KCNB2: variants seen among roughly 807,000 people sequenced by gnomAD.
KCNB2 encodes potassium voltage-gated channel subfamily B member 2.
In KCNB2, 15 loss-of-function variants were observed where a neutral mutation model predicts 61.5. That is an observed-to-expected ratio of 0.24 (90% CI 0.16 to 0.38). KCNB2 has a LOEUF of 0.38. Among genes scored for constraint, KCNB2 ranks in the 10% least tolerant of loss-of-function variants. The probability of loss-of-function intolerance (pLI) is 1.00; values close to 1 mark genes in which losing one functional copy is unlikely to be tolerated. For missense variants in KCNB2, 828 were observed against 1,125.2 expected (o/e 0.74, Z 3.78); for synonymous variants, 457 against 446.0 (o/e 1.02, Z -0.31).
In KCNB2 at chr8:72,561,557, T is replaced by C. The variant is rs576974938; in HGVS notation, c.-93-6085T>C. Among the ~76,000 whole-genome samples the C allele has an allele frequency of 2.0e-5, 3 of 150,790 alleles. No individual in the cohort carries two copies. The South Asian group carries it at 6.3e-4, about 32-fold the overall frequency. ...GGACAAGGACAGCATTTCAGTTATT[T>C]CTAGAACTTTATGTGTTAAAAAATA... On this transcript the variant is annotated intron_variant, in intron 1 of 2. Transcript: ENST00000523207.
intron 2 of KCNB2, among the ~76,000 whole-genome samples, chr8:72,662,339 C>A (rs548697914): frequency 6.6e-6 from 1 of 152,256 alleles, no homozygotes; most frequent in African/African-American, 2.4e-5. Flanking sequence ...CTACCCATGG[C>A]CAAACCAGTA....
At chr8:72,756,113 G>A (rs1038191297) in intron 2 of KCNB2, among the ~76,000 whole-genome samples, 1 of 152,212 alleles carries the variant, frequency 6.6e-6, no homozygotes, top group African/African-American at 2.4e-5. Flanking sequence ...GCTCATTGTA[G>A]TGGGAAGGAC....
chr8:72,727,612 A>G (rs1807674441), intron 2 of KCNB2, among the ~76,000 whole-genome samples: 1 of 152,212 alleles, frequency 6.6e-6, no homozygotes, highest in Admixed American at 6.5e-5. Flanking sequence ...AAGTCTGTAT[A>G]TAATGGGAAA....
intron 2 of KCNB2, among the ~76,000 whole-genome samples, chr8:72,779,888 G>T (rs985283809): frequency 6.6e-5 from 10 of 152,044 alleles, no homozygotes; most frequent in African/African-American, 2.4e-4. Flanking sequence ...CCACCACTGC[G>T]TTTCAGGATT....
chr8:72,798,336 CA>C (rs1809065943), intron 2 of KCNB2, among the ~76,000 whole-genome samples: 1 of 152,170 alleles, frequency 6.6e-6, no homozygotes, highest in South Asian at 2.1e-4. Flanking sequence ...TTCAGTGACA[CA>C]AGCATGAATG....
chr8:72,695,335 T>C (rs956921062), intron 2 of KCNB2, among the ~76,000 whole-genome samples: 1 of 152,198 alleles, frequency 6.6e-6, no homozygotes, highest in African/African-American at 2.4e-5. Flanking sequence ...GCAGCCCCTG[T>C]CAGCATCAGA....
chr8:72,567,266 G>A (rs1806638225), intron 1 of KCNB2, among the ~76,000 whole-genome samples: 1 of 152,028 alleles, frequency 6.6e-6, no homozygotes, highest in African/African-American at 2.4e-5. Flanking sequence ...GAGCTGTGAT[G>A]GTGCCACTGC....
chr8:72,784,085 A>G (rs1232951439), intron 2 of KCNB2, among the ~76,000 whole-genome samples: 1 of 152,160 alleles, frequency 6.6e-6, no homozygotes, highest in Non-Finnish European at 1.5e-5. Context: ...ATTGGGAAAT[A>G]TTTAATATAT....
chr8:72,739,634 G>A (rs1379426558), intron 2 of KCNB2, among the ~76,000 whole-genome samples: 2 of 151,942 alleles, frequency 1.3e-5, no homozygotes, highest in African/African-American at 4.8e-5. Flanking sequence ...GTTTGGTATG[G>A]CTGGGGCTTT....
chr8:72,632,793 G>C (rs10096328), intron 2 of KCNB2, among the ~76,000 whole-genome samples: 1 of 152,124 alleles, frequency 6.6e-6, no homozygotes, highest in South Asian at 2.1e-4. Context: ...TGTGTGTGTG[G>C]TCATTGCCAC....
At chr8:72,633,131 GC>G (rs1563544408) in intron 2 of KCNB2, among the ~76,000 whole-genome samples, 2 of 152,056 alleles carry the variant, frequency 1.3e-5, no homozygotes, top group Non-Finnish European at 2.9e-5. Flanking sequence ...CTGCTTTCAC[GC>G]TCTTTCAGGT....
chr8:72,561,694 TATA>T lies in KCNB2; in HGVS notation c.-93-5947_-93-5945del, dbSNP rs1585752111. ...GAAAATTTCCAGGATCTTACTTTTA[TATA>T]TATATATATATATATATATATATAT... On this transcript the variant is annotated intron_variant, in intron 1 of 2. Transcript: ENST00000523207. 9.5e-4 allele frequency among the ~76,000 whole-genome samples: 8 copies of T among 8,454 alleles called. 2 individuals carry two copies. Among genetic ancestry groups the T allele is most frequent in the Non-Finnish European group, 1.2e-3 (6 of 5,044 alleles). The allele number at this position is 8,454 out of a possible 152,430, so 5.5% of individuals were successfully genotyped here.
At chr8:72,859,196 G>C (rs1232242728) in intron 2 of KCNB2, among the ~76,000 whole-genome samples, 1 of 152,128 alleles carries the variant, frequency 6.6e-6, no homozygotes, top group Non-Finnish European at 1.5e-5. Flanking sequence ...GTGGTCTGCT[G>C]TGGTTATTGG....
intron 2 of KCNB2, among the ~76,000 whole-genome samples, chr8:72,607,575 G>T (rs1363718101): frequency 1.3e-5 from 2 of 152,138 alleles, no homozygotes; most frequent in African/African-American, 4.8e-5. Context: ...ACATGTAAGT[G>T]TCTCTGTGCC....
At position 72,827,816 on chromosome 8, in the gene KCNB2, C is replaced by CT. The variant is rs11346090; in HGVS notation, c.580-108105dup. Among the ~76,000 whole-genome samples the CT allele has an allele frequency of 3.2e-3, 460 of 143,668 alleles. 1 individual carries two copies. The highest frequency in any genetic ancestry group is 7.2e-3 in the Middle Eastern group (2 of 278). 94.3% of individuals were successfully genotyped at this position (143,668 alleles called of 152,430 possible). ...AAGGTTAAATAATACAAGTTTCTTT[C>CT]TTTTTTTTTTTTTTGAGATGGAGTC... On this transcript the variant is annotated intron_variant, in intron 2 of 2. Transcript: ENST00000523207.
intron 2 of KCNB2, among the ~76,000 whole-genome samples, chr8:72,911,298 A>G (rs951651011): frequency 2.6e-5 from 4 of 152,192 alleles, no homozygotes; most frequent in African/African-American, 7.2e-5. Flanking sequence ...ATTGGTACTC[A>G]GGATTCATTT....
At chr8:72,848,858 A>T (rs1585929758) in intron 2 of KCNB2, among the ~76,000 whole-genome samples, 2 of 152,032 alleles carry the variant, frequency 1.3e-5, no homozygotes, top group African/African-American at 4.8e-5. Context: ...AAAAGAACTC[A>T]CCTTCTACCG....
chr8:72,799,079 A>G (rs1866737), intron 2 of KCNB2, among the ~76,000 whole-genome samples: 25,466 of 151,994 alleles, frequency 0.17, 2,446 homozygotes, highest in South Asian at 0.32. Context: ...CAAAATGCGG[A>G]AGACACCCAA....
At chr8:72,673,700 A>C (rs1806603472) in intron 2 of KCNB2, among the ~76,000 whole-genome samples, 2 of 152,340 alleles carry the variant, frequency 1.3e-5, no homozygotes, top group South Asian at 4.1e-4. Context: ...ACAAAAGGAC[A>C]AATGTTTGTC....
Sources: allele counts gnomAD v4.1 joint callset (sites outside exome capture counted in the v4.1 genomes callset), GRCh38; gene constraint gnomAD v4.1.1; transcripts MANE v1.5; gene names NCBI Gene and HGNC (gene_info 2026-07-23, HGNC 2026-07-21).